Variants in BACH2 observed in about 807,000 individuals in gnomAD.
BACH2 encodes the protein transcription regulator protein BACH2.
Under a neutral mutation model 61.8 loss-of-function variants are expected in BACH2, and 5 were observed. That is an observed-to-expected ratio of 0.08 (90% CI 0.04 to 0.17). The LOEUF is 0.17. Among genes scored for constraint, BACH2 ranks in the 10% least tolerant of loss-of-function variants. The probability of loss-of-function intolerance (pLI) is 1.00; values close to 1 mark genes in which losing one functional copy is unlikely to be tolerated. For missense variants in BACH2, 824 were observed against 1,091.1 expected (o/e 0.76, Z 3.45); for synonymous variants, 446 against 440.1 (o/e 1.01, Z -0.17).
chr6:89,938,087 C>G, intron 8 of BACH2, 57 bp downstream of exon 8: 4 of 1,521,604 alleles, frequency 2.6e-6, no homozygotes, highest in Non-Finnish European at 3.6e-6. Context: ...ATTGCTGTTA[C>G]TTTACATTAG....
At chr6:89,945,750 T>A (rs1334350537) in intron 7 of BACH2, among the ~76,000 whole-genome samples, 1 of 150,692 alleles carries the variant, frequency 6.6e-6, no homozygotes, top group Non-Finnish European at 1.5e-5. Context: ...AAGATAGACA[T>A]ACATAAAATT....
intron 5 of BACH2, among the ~76,000 whole-genome samples, chr6:90,023,609 G>A (rs1036407779): frequency 2.6e-5 from 4 of 152,054 alleles, no homozygotes; most frequent in African/African-American, 9.7e-5. Context: ...CTAACACATG[G>A]AGTAAATGTG....
chr6:89,958,873 A>C (rs1378685524), intron 6 of BACH2, among the ~76,000 whole-genome samples: 1 of 152,068 alleles, frequency 6.6e-6, no homozygotes, highest in Admixed American at 6.6e-5. Context: ...TCCTCTATTC[A>C]CAATTGCCCT....
chr6:90,162,839 A>T (rs1206738488), intron 4 of BACH2, among the ~76,000 whole-genome samples: 1 of 152,198 alleles, frequency 6.6e-6, no homozygotes, highest in Non-Finnish European at 1.5e-5. Flanking sequence ...TGCTCTGGGC[A>T]TGACAGATGA....
chr6:90,179,781 C>T (rs533847328), intron 4 of BACH2, among the ~76,000 whole-genome samples: 71 of 152,274 alleles, frequency 4.7e-4, no homozygotes, highest in African/African-American at 1.7e-3. Flanking sequence ...TTTAAAATTA[C>T]ATTTACTCTT....
chr6:90,150,072 T>A (rs540793683), intron 4 of BACH2, among the ~76,000 whole-genome samples: 199 of 152,268 alleles, frequency 1.3e-3, no homozygotes, highest in African/African-American at 4.8e-3. Flanking sequence ...CTCCTCCTCT[T>A]CCCTTTCTTA....
At chr6:89,957,014 C>T (rs1774461324) in intron 6 of BACH2, among the ~76,000 whole-genome samples, 1 of 152,198 alleles carries the variant, frequency 6.6e-6, no homozygotes. Flanking sequence ...GTACACTTTC[C>T]TGATGAAGCT....
intron 1 of BACH2, among the ~76,000 whole-genome samples, chr6:90,280,603 T>C (rs1288955341): frequency 2.6e-5 from 4 of 152,190 alleles, no homozygotes; most frequent in Admixed American, 2.6e-4. Context: ...CAAATTTTGA[T>C]GTTTATGTGA....
chr6:89,950,278 C>A lies in BACH2; in HGVS notation c.1828G>T (p.Gly610Cys). ...DSESCPVQDR[G>C]QEVKLPFPVD... ...TTATGTGGGTTCCCTACCTCCTGGCCCCTGTCCTGCACAGGACACGACTCA... is the reference window on the plus strand; with the variant it reads ...TTATGTGGGTTCCCTACCTCCTGGCACCTGTCCTGCACAGGACACGACTCA... Residue 610 changes from glycine to cysteine, a missense_variant, in exon 7 of 9, where the codon GGC (glycine) becomes TGC (cysteine). This residue lies in a region of BACH2 where 160 missense variants were observed against 283.5 expected (regional missense o/e 0.56). Transcript: ENST00000257749. The surrounding 1 kb of genome is among the most constrained non-coding windows in gnomAD (Gnocchi z 5.3). The A allele has an allele frequency of 1.2e-6, 2 of 1,614,102 alleles. No homozygotes were observed. The highest frequency in any genetic ancestry group is 1.7e-6 in the Non-Finnish European group (2 of 1,180,030).
chr6:90,053,548 G>A (rs1780161115), intron 5 of BACH2, among the ~76,000 whole-genome samples: 1 of 152,018 alleles, frequency 6.6e-6, no homozygotes, highest in Non-Finnish European at 1.5e-5. Context: ...CAAAATGCTG[G>A]GATTACAGGT....
At position 89,937,014 on chromosome 6, in the gene BACH2, C is replaced by T. The variant is rs568752085; in HGVS notation, c.2043+1130G>A. Among the ~76,000 whole-genome samples, 55 of 152,028 alleles carry T rather than the reference C, an allele frequency of 3.6e-4. 1 individual carries two copies. The highest frequency in any genetic ancestry group is 1.3e-3 in the African/African-American group (55 of 41,480). On this transcript the variant is annotated intron_variant, in intron 8 of 8. Transcript: ENST00000257749. ...AGTTGGTTGTCTTCAAAGCTACAGT[C>T]AGGAGCCAGAGGTCACCTGGATTTA...
chr6:90,181,853 T>C (rs771300502), intron 4 of BACH2, among the ~76,000 whole-genome samples: 15 of 152,140 alleles, frequency 9.9e-5, no homozygotes, highest in Non-Finnish European at 2.1e-4. Flanking sequence ...CCAAGTCCCA[T>C]ACTAAGCTAA....
At chr6:90,102,553 C>T (rs1782684114) in intron 4 of BACH2, among the ~76,000 whole-genome samples, 1 of 151,936 alleles carries the variant, frequency 6.6e-6, no homozygotes, top group Admixed American at 6.6e-5. Context: ...CTTTGGGAGG[C>T]CAAGGCTGGT....
intron 4 of BACH2, among the ~76,000 whole-genome samples, chr6:90,184,359 A>C (rs1768274170): frequency 6.6e-6 from 1 of 152,228 alleles, no homozygotes; most frequent in Non-Finnish European, 1.5e-5. Context: ...CTGATGAAAG[A>C]GAGTAAAAAT....
At chr6:90,122,439 C>A (rs1216909964) in intron 4 of BACH2, among the ~76,000 whole-genome samples, 3 of 152,178 alleles carry the variant, frequency 2.0e-5, no homozygotes, top group African/African-American at 7.2e-5. Flanking sequence ...CAGGAAAGGA[C>A]TTCTTGAAGG....
intron 7 of BACH2, among the ~76,000 whole-genome samples, chr6:89,941,555 C>T (rs573229456): frequency 7.9e-5 from 12 of 152,146 alleles, no homozygotes; most frequent in Non-Finnish European, 1.2e-4. Flanking sequence ...CCTTTGTGCA[C>T]GGGGCTGTGT....
intron 5 of BACH2, among the ~76,000 whole-genome samples, chr6:90,028,999 C>G (rs1287511520): frequency 6.6e-6 from 1 of 152,210 alleles, no homozygotes; most frequent in Non-Finnish European, 1.5e-5. Context: ...ATTAGCTCCT[C>G]TTTTCCAACC....
intron 1 of BACH2, among the ~76,000 whole-genome samples, chr6:90,274,658 C>T (rs545923796): frequency 2.0e-5 from 3 of 152,274 alleles, no homozygotes; most frequent in Non-Finnish European, 2.9e-5. Flanking sequence ...CCACAAAGTA[C>T]GCACATACAA....
chr6:89,933,049 G>A (rs964029880), intron 8 of BACH2, among the ~76,000 whole-genome samples, 159 bp from the exon 9 acceptor site: 3 of 152,072 alleles, frequency 2.0e-5, no homozygotes, highest in Admixed American at 6.6e-5. Context: ...ACATATTCAG[G>A]GGGCCCAGAC....
Sources: allele counts gnomAD v4.1 joint callset (sites outside exome capture counted in the v4.1 genomes callset), GRCh38; gene constraint gnomAD v4.1.1; regional missense constraint gnomAD v4.1.1; non-coding constraint Gnocchi (gnomAD v3.1); transcripts MANE v1.5; gene names NCBI Gene and HGNC (gene_info 2026-07-23, HGNC 2026-07-21).